Variants in NAALADL2 observed in about 807,000 individuals in gnomAD.
The protein encoded by NAALADL2 is inactive N-acetylated-alpha-linked acidic dipeptidase-like protein 2.
Under a neutral mutation model 87.2 loss-of-function variants are expected in NAALADL2, and 76 were observed. That is an observed-to-expected ratio of 0.87 (90% CI 0.72 to 1.05). The LOEUF is 1.05. Among genes scored for constraint, NAALADL2 ranks in the 50% least tolerant of loss-of-function variants. The pLI is 0.00. For missense variants in NAALADL2, 1,089 were observed against 945.8 expected, an observed-to-expected ratio of 1.15 and a Z score of -1.99; for synonymous variants, 354 against 331.0, an observed-to-expected ratio of 1.07 and a Z score of -0.75.
chr3:174,695,023 A>G (rs1425866524), intron 2 of NAALADL2, among the ~76,000 whole-genome samples: 1 of 152,028 alleles, frequency 6.6e-6, no homozygotes. Context: ...TATAGTTATA[A>G]TTTTAAGTAC....
intron 1 of NAALADL2, among the ~76,000 whole-genome samples, chr3:175,017,217 G>T (rs9851681): frequency 1.1e-4 from 17 of 150,554 alleles, no homozygotes; most frequent in African/African-American, 3.9e-4. Context: ...ACTTAATACC[G>T]TATATCTTAT....
At chr3:174,626,927 TA>T (rs1291585285) in intron 2 of NAALADL2, among the ~76,000 whole-genome samples, 1 of 152,066 alleles carries the variant, frequency 6.6e-6, no homozygotes, top group Non-Finnish European at 1.5e-5. Context: ...AAATACATAT[TA>T]TTAAAATGTG....
chr3:174,775,257 C>T (rs1715066768), intron 3 of NAALADL2, among the ~76,000 whole-genome samples: 1 of 108,620 alleles, frequency 9.2e-6, no homozygotes, highest in East Asian at 2.1e-4. Flanking sequence ...TTTCTCACCT[C>T]CCCTAAAAAA....
At chr3:175,218,053 T>C (rs924197084) in intron 2 of NAALADL2, 8 of 384,720 alleles carry the variant, frequency 2.1e-5, no homozygotes, top group Admixed American at 1.5e-4. Flanking sequence ...AATTTCAATG[T>C]TTTTTTTTGG....
chr3:175,311,936 G>A lies in NAALADL2; in HGVS notation c.940-12239G>A, dbSNP rs550285842. 2.0e-5 allele frequency among the ~76,000 whole-genome samples: 3 copies of A among 152,196 alleles called. No homozygotes were observed. The South Asian group carries it at 6.2e-4, about 32-fold the overall frequency. ...AAAGCAATTTGAAATCCTAATTAAA[G>A]GTGTTCAGTGAATTTGAAGAAGAAT... On this transcript the variant is annotated intron_variant, in intron 4 of 13. Coordinates refer to ENST00000454872, the MANE Select transcript of NAALADL2 (RefSeq NM_207015.3).
intron 5 of NAALADL2, among the ~76,000 whole-genome samples, chr3:175,329,982 T>TA (rs1761200913): frequency 6.6e-6 from 1 of 152,158 alleles, no homozygotes; most frequent in African/African-American, 2.4e-5. Flanking sequence ...TTATTGTTCA[T>TA]AAAAAATCAG....
At chr3:175,178,426 G>T (rs557796659) in intron 2 of NAALADL2, among the ~76,000 whole-genome samples, 2 of 152,102 alleles carry the variant, frequency 1.3e-5, no homozygotes, top group South Asian at 4.2e-4. Context: ...GTATTTATGT[G>T]TAGCAAAATT....
At chr3:174,720,435 G>A (rs1731601442) in intron 2 of NAALADL2, among the ~76,000 whole-genome samples, 1 of 151,978 alleles carries the variant, frequency 6.6e-6, no homozygotes, top group South Asian at 2.1e-4. Flanking sequence ...TTATATGATA[G>A]CTATATAGAG....
At chr3:175,125,224 C>T (rs1726767395) in intron 2 of NAALADL2, among the ~76,000 whole-genome samples, 1 of 151,872 alleles carries the variant, frequency 6.6e-6, no homozygotes, top group Non-Finnish European at 1.5e-5. Flanking sequence ...AATTAAACTA[C>T]CTGGTAGCTG....
chr3:175,239,854 G>A (rs1030634088), intron 3 of NAALADL2, among the ~76,000 whole-genome samples: 8 of 152,070 alleles, frequency 5.3e-5, no homozygotes, highest in African/African-American at 1.7e-4. Flanking sequence ...TAACTTTAAC[G>A]TTTTTTGTGG....
intron 1 of NAALADL2, among the ~76,000 whole-genome samples, chr3:174,889,039 C>T (rs928369767): frequency 5.3e-5 from 8 of 152,082 alleles, no homozygotes; most frequent in Admixed American, 3.3e-4. Flanking sequence ...TGCAAGGGCC[C>T]TACATAACTA....
chr3:175,230,604 G>A (rs1277928641), intron 2 of NAALADL2, among the ~76,000 whole-genome samples: 3 of 151,960 alleles, frequency 2.0e-5, no homozygotes, highest in Non-Finnish European at 4.4e-5. Flanking sequence ...ATTAGATACA[G>A]GAGCAGAGGG....
chr3:175,513,527 C>G (rs1731444671), intron 9 of NAALADL2, among the ~76,000 whole-genome samples: 1 of 152,038 alleles, frequency 6.6e-6, no homozygotes, highest in South Asian at 2.1e-4. Flanking sequence ...TCATGATAGG[C>G]AATACTATGG....
At chr3:174,967,809 C>T (rs564680183) in intron 1 of NAALADL2, among the ~76,000 whole-genome samples, 1 of 152,122 alleles carries the variant, frequency 6.6e-6, no homozygotes, top group Non-Finnish European at 1.5e-5. Context: ...CTTAGCACAG[C>T]CCACCTAAAC....
At chr3:175,203,342 C>T (rs565446100) in intron 2 of NAALADL2, among the ~76,000 whole-genome samples, 24 of 152,228 alleles carry the variant, frequency 1.6e-4, no homozygotes, top group South Asian at 4.1e-4. Flanking sequence ...CCCTGTATTT[C>T]GCTCAGCTCT....
At chr3:174,983,319 G>T (rs1745381632) in intron 1 of NAALADL2, among the ~76,000 whole-genome samples, 1 of 152,130 alleles carries the variant, frequency 6.6e-6, no homozygotes, top group Non-Finnish European at 1.5e-5. Flanking sequence ...GGCTATAGGG[G>T]TGGTCTCTGA....
At chr3:175,760,213 T>A (rs1313099754) in intron 13 of NAALADL2, among the ~76,000 whole-genome samples, 1 of 152,296 alleles carries the variant, frequency 6.6e-6, no homozygotes, top group South Asian at 2.1e-4. Context: ...AAAACAGGAT[T>A]GAGTACTGGA....
At chr3:175,778,164 A>T (rs1268121457) in intron 13 of NAALADL2, among the ~76,000 whole-genome samples, 1 of 152,172 alleles carries the variant, frequency 6.6e-6, no homozygotes, top group Non-Finnish European at 1.5e-5. Context: ...GTGGGGTTGA[A>T]TTACTAGGGA....
intron 1 of NAALADL2, among the ~76,000 whole-genome samples, chr3:175,007,983 T>C (rs1006908191): frequency 2.0e-5 from 3 of 152,116 alleles, no homozygotes; most frequent in Non-Finnish European, 4.4e-5. Context: ...ATATACAATG[T>C]AGATACATTG....
Sources: gnomAD v4.1 joint callset for allele counts (sites outside exome capture counted in the v4.1 genomes callset) on GRCh38, gnomAD v4.1.1 for gene constraint, MANE v1.5 for transcripts, NCBI Gene and HGNC (gene_info 2026-07-23, HGNC 2026-07-21) for gene names.